Variants in ERCC6 observed in about 807,000 individuals in gnomAD.
ERCC6 encodes the protein DNA excision repair protein ERCC-6.
ERCC6 carries 116 observed loss-of-function variants against 158.7 expected under a neutral mutation model. The ratio of observed to expected loss-of-function variants is 0.73; its 90% CI spans 0.63 to 0.85. The LOEUF (loss-of-function observed/expected upper bound fraction) is 0.85. Ranked by LOEUF, ERCC6 falls within the 40% of genes least tolerant of loss-of-function variation. ERCC6 has a pLI of 0.00. For synonymous variants in ERCC6, 678 were observed against 659.3 expected (o/e 1.03, Z -0.43); for missense variants, 1,698 against 1,799.4 (o/e 0.94, Z 1.02).
At chr10:49,498,996 G>T (rs561203244) in intron 7 of ERCC6, among the ~76,000 whole-genome samples, 1 of 152,250 alleles carries the variant, frequency 6.6e-6, no homozygotes, top group Non-Finnish European at 1.5e-5. Flanking sequence ...GCCAACCAAA[G>T]AGCTTATTTG....
Position 49,483,348 on chromosome 10 carries a change from G to C in ERCC6, c.1990C>G (p.Gln664Glu). ...TCCCTTGTTAAAAGAGGTCATACCTGTTTGCAAGCAAGGGTGACAGCAGCA... is the reference window on the plus strand; with the variant it reads ...TCCCTTGTTAAAAGAGGTCATACCTCTTTGCAAGCAAGGGTGACAGCAGCA... ...PNAAVTLACKQFRTPHRIILS... is the reference protein window; with the variant it reads ...PNAAVTLACKEFRTPHRIILS... The change falls in exon 9 of 21, where the codon CAG becomes GAG. Residue 664 changes from glutamine to glutamate, a missense_variant and splice_region_variant. By Grantham distance (29) the Gln-to-Glu change is conservative. Transcript: ENST00000355832. 6.2e-7 allele frequency: 1 copy of C among 1,614,106 alleles called. No homozygotes were observed. Among genetic ancestry groups the C allele is most frequent in the Non-Finnish European group, 8.5e-7 (1 of 1,179,964 alleles).
At chr10:49,481,796 T>C (rs1850984025) in intron 10 of ERCC6, among the ~76,000 whole-genome samples, 1 of 152,208 alleles carries the variant, frequency 6.6e-6, no homozygotes, top group African/African-American at 2.4e-5. Flanking sequence ...CAAACCTTGT[T>C]TGTTCTGCCT....
chr10:49,516,533 T>C, intron 5 of ERCC6: 6 of 1,614,140 alleles, frequency 3.7e-6, no homozygotes, highest in Non-Finnish European at 5.1e-6. Flanking sequence ...TTCTAGGAAC[T>C]GAGACATAAC....
In ERCC6 at chr10:49,457,228, T is replaced by C. The variant is rs1035339532; in HGVS notation, c.*1587A>G. 1.2e-4 allele frequency: 19 copies of C among 152,214 alleles called. No individual in the cohort carries two copies. Among genetic ancestry groups the C allele is most frequent in the African/African-American group, 4.3e-4 (18 of 41,466 alleles). The allele number at this position is 152,214 out of a possible 1,614,324, so 9.4% of individuals were successfully genotyped here. A position where few individuals can be genotyped will look rare whatever the true frequency, so the allele number is the denominator to read the frequency against. On this transcript the variant is annotated 3_prime_UTR_variant, in exon 21 of 21. Transcript: ENST00000355832. ...GCCAAGTACTCAAGTTTAAGACTTA[T>C]TGGCCTATTTAAAAATTCTTTCTAT...
intron 18 of ERCC6, among the ~76,000 whole-genome samples, chr10:49,466,402 C>T (rs925824185): frequency 6.6e-6 from 1 of 152,188 alleles, no homozygotes. Flanking sequence ...AAGCTACAAA[C>T]ATGGAAAGGG....
chr10:49,465,099 A>C (rs546310729), intron 18 of ERCC6, among the ~76,000 whole-genome samples: 8 of 152,336 alleles, frequency 5.3e-5, no homozygotes, highest in Non-Finnish European at 1.0e-4. Context: ...GAAAGCAGCC[A>C]GGAGGGGGGC....
At chr10:49,515,973 T>C (rs1836946278) in intron 5 of ERCC6, 1 of 1,614,182 alleles carries the variant, frequency 6.2e-7, no homozygotes, top group Non-Finnish European at 8.5e-7. Flanking sequence ...TGGAACTCTG[T>C]CAATGTGATC....
Position 49,512,862 on chromosome 10 carries a change from G to A in ERCC6, c.1398-6850C>T, listed in dbSNP as rs534829153. Among the ~76,000 whole-genome samples, 5 of 152,322 alleles carry A rather than the reference G, an allele frequency of 3.3e-5. No homozygotes were observed. In the East Asian group the frequency reaches 9.6e-4, roughly 29 times the overall value. On this transcript the variant is annotated intron_variant, in intron 5 of 20. Transcript: ENST00000355832. ...TCAAATATGGAATTTTCCACTTGTGGCATCACGTTGCTAAAAAATTTTCAG... is the reference window on the plus strand; with the variant it reads ...TCAAATATGGAATTTTCCACTTGTGACATCACGTTGCTAAAAAATTTTCAG...
chr10:49,462,301 G>A (rs563068620), intron 18 of ERCC6, among the ~76,000 whole-genome samples: 6 of 152,178 alleles, frequency 3.9e-5, no homozygotes, highest in African/African-American at 1.4e-4. Context: ...TACAAACGTT[G>A]GGGCACAAAC....
At chr10:49,509,591 G>A (rs1285793721) in intron 5 of ERCC6, among the ~76,000 whole-genome samples, 1 of 152,146 alleles carries the variant, frequency 6.6e-6, no homozygotes, top group Admixed American at 6.5e-5. Context: ...ATAGTAAACT[G>A]TCATTAAGTA....
the ERCC6 span, among the ~76,000 whole-genome samples, chr10:49,441,646 TGTA>T: frequency 6.6e-6 from 1 of 152,172 alleles, no homozygotes; most frequent in African/African-American, 2.4e-5. Context: ...GGTGGGGTGC[TGTA>T]TTTCCTGTCT....
intron 9 of ERCC6, 70 bp from the exon 10 acceptor site, chr10:49,482,933 G>A (rs930662201): frequency 2.3e-5 from 34 of 1,497,366 alleles, no homozygotes; most frequent in Non-Finnish European, 2.7e-5. Flanking sequence ...ACCCTAAAAC[G>A]CTCCTCTGCA....
chr10:49,448,968 A>G, the ERCC6 span, among the ~76,000 whole-genome samples: 1,163 of 152,326 alleles, frequency 7.6e-3, 17 homozygotes, highest in African/African-American at 0.026. Flanking sequence ...TGTGGACATA[A>G]GTCTTCATTT....
chr10:49,495,951 C>G (rs7903930), intron 7 of ERCC6, among the ~76,000 whole-genome samples: 128,860 of 152,134 alleles, frequency 0.85, 55,049 homozygotes, highest in East Asian at 1. Flanking sequence ...ACTGCTCTTG[C>G]GACAGAGATT....
chr10:49,461,232 C>G (rs1850576129), intron 19 of ERCC6, 120 bp downstream of exon 19: 1 of 1,077,964 alleles, frequency 9.3e-7, no homozygotes, highest in African/African-American at 1.6e-5. Context: ...GCTATAATCC[C>G]TCCCTGGGGA....
intron 5 of ERCC6, chr10:49,506,213 A>C: frequency 1.7e-6 from 1 of 604,958 alleles, no homozygotes; most frequent in South Asian, 2.0e-5. Context: ...TTTCTTATGT[A>C]AATTATTATA....
intron 7 of ERCC6, among the ~76,000 whole-genome samples, chr10:49,499,438 T>C (rs985690927): frequency 6.6e-6 from 1 of 152,210 alleles, no homozygotes; most frequent in Admixed American, 6.5e-5. Flanking sequence ...TACTAAGCAT[T>C]TCGCTGCTGA....
intron 18 of ERCC6, among the ~76,000 whole-genome samples, chr10:49,465,979 G>A (rs1386105718): frequency 6.6e-6 from 1 of 152,044 alleles, no homozygotes; most frequent in Non-Finnish European, 1.5e-5. Flanking sequence ...ACACTACTCT[G>A]GTATTCCTTT....
intron 12 of ERCC6, among the ~76,000 whole-genome samples, chr10:49,474,530 A>C (rs1171857695): frequency 1.3e-5 from 2 of 152,230 alleles, no homozygotes; most frequent in Admixed American, 1.3e-4. Context: ...ACTAGAAAAA[A>C]GGTATGCAGT....
Sources: gnomAD v4.1 joint callset for allele counts (sites outside exome capture counted in the v4.1 genomes callset) on GRCh38, gnomAD v4.1.1 for gene constraint, MANE v1.5 for transcripts, NCBI Gene and HGNC (gene_info 2026-07-23, HGNC 2026-07-21) for gene names.